CD27: variants seen among roughly 807,000 people sequenced by gnomAD.
The protein encoded by CD27 is CD27 antigen.
In CD27, 16 loss-of-function variants were observed where a neutral mutation model predicts 25.9. The observed-to-expected ratio is 0.62, with a 90% CI of 0.42 to 0.94. The LOEUF is 0.94. CD27 is among the 40% of genes least tolerant of loss of function. The pLI is 0.00. For missense variants in CD27, 300 were observed against 333.2 expected, an observed-to-expected ratio of 0.90 and a Z score of 0.78; for synonymous variants, 142 against 124.3, an observed-to-expected ratio of 1.14 and a Z score of -0.95.
chr12:6,447,257 T>C (rs1949429871), intron 2 of CD27: 1 of 152,224 alleles, frequency 6.6e-6, no homozygotes, highest in Non-Finnish European at 1.5e-5. Context: ...CTTTTCCTAG[T>C]CAAAACCCCC....
chr12:6,449,622 G>A (rs1592121024), intron 2 of CD27, among the ~76,000 whole-genome samples: 1 of 152,290 alleles, frequency 6.6e-6, no homozygotes, highest in Admixed American at 6.5e-5. Flanking sequence ...GCTGAGGCTG[G>A]TGCATCACCT....
chr12:6,445,689 G>C lies in CD27; in HGVS notation c.268+134G>C. 8.4e-7 allele frequency: 1 copy of C among 1,195,138 alleles called. No homozygotes were observed. The allele number at this position is 1,195,138 out of a possible 1,614,324, so 74.0% of individuals were successfully genotyped here. On this transcript the variant is annotated intron_variant, in intron 2 of 5. Transcript: ENST00000266557. This position sits in a 1 kb window ranked among gnomAD's most constrained non-coding sequence, Gnocchi z 4.5. Reference sequence around the variant, plus strand: ...CCTTCTTCAAGGCTCACAGCAAGTGGAGCCAATGCTGGGAAATGCGGCACC... The same window carrying C: ...CCTTCTTCAAGGCTCACAGCAAGTGCAGCCAATGCTGGGAAATGCGGCACC...
At chr12:6,449,457 G>A (rs1949479593) in intron 2 of CD27, among the ~76,000 whole-genome samples, 1 of 151,652 alleles carries the variant, frequency 6.6e-6, no homozygotes. Flanking sequence ...TTGTTGATCT[G>A]CTGCTGGTTA....
Position 6,451,026 on chromosome 12 carries a change from A to G in CD27, c.658+12A>G, listed in dbSNP as rs747151664. On this transcript the variant is annotated intron_variant, in intron 5 of 5. Coordinates refer to ENST00000266557, the MANE Select transcript of CD27 (RefSeq NM_001242.5). ...GAAATATAGATCAAGTAAGAGACAG[A>G]ACACAGGCCTCCGGTCCTGCCCCTG... 17 of 1,613,956 alleles carry G rather than the reference A, an allele frequency of 1.1e-5. No homozygotes were observed. The South Asian group carries it at 1.9e-4, about 18-fold the overall frequency.
chr12:6,450,907 T>C lies in CD27; in HGVS notation c.551T>C (p.Leu184Pro). ...LSTHWPPQRS[L>P]CSSDFIRILV... ...CCTCCTATTACAGCCCAAAGATCCCTGTGCAGCTCCGATTTTATTCGCATC... is the reference window on the plus strand; with the variant it reads ...CCTCCTATTACAGCCCAAAGATCCCCGTGCAGCTCCGATTTTATTCGCATC... The change falls in exon 5 of 6, where the codon CTG becomes CCG. Residue 184 changes from leucine (L) to proline (P), a missense_variant. Physicochemically the swap from Leu to Pro is moderately conservative, Grantham distance 98 (BLOSUM62 -3). Coordinates refer to ENST00000266557, the MANE Select transcript of CD27 (RefSeq NM_001242.5). This position sits in a 1 kb window ranked among gnomAD's most constrained non-coding sequence, Gnocchi z 4.1. 1 of 1,614,182 alleles carries C rather than the reference T, an allele frequency of 6.2e-7. No individual in the cohort carries two copies. The highest frequency in any genetic ancestry group is 8.5e-7 in the Non-Finnish European group (1 of 1,180,006).
intron 5 of CD27, 68 bp downstream of exon 5, chr12:6,451,082 C>A: frequency 6.2e-7 from 1 of 1,605,222 alleles, no homozygotes; most frequent in East Asian, 2.2e-5. Flanking sequence ...ACCCCACTGC[C>A]CACGCCTGGA....
intron 2 of CD27, chr12:6,448,243 C>A (rs1430813823): frequency 6.6e-6 from 1 of 152,302 alleles, no homozygotes; most frequent in Admixed American, 6.5e-5. Flanking sequence ...CACCCCTCTT[C>A]CACCTGTCAG....
chr12:6,448,038 A>C (rs1292946181), intron 2 of CD27: 1 of 152,228 alleles, frequency 6.6e-6, no homozygotes, highest in Non-Finnish European at 1.5e-5. Flanking sequence ...ATGGCTCACA[A>C]TTCCTGGGAA....
chr12:6,445,323 C>A lies in CD27; in HGVS notation c.136+92C>A. The A allele has an allele frequency of 6.2e-7, 1 of 1,608,256 alleles. No individual in the cohort carries two copies. Among genetic ancestry groups the A allele is most frequent in the Non-Finnish European group, 8.5e-7 (1 of 1,176,240 alleles). On this transcript the variant is annotated intron_variant, in intron 1 of 5. Coordinates refer to ENST00000266557, the MANE Select transcript of CD27 (RefSeq NM_001242.5). The surrounding 1 kb of genome is among the most constrained non-coding windows in gnomAD (Gnocchi z 4.5). The stretch of plus-strand genomic sequence containing the variant: ...AATAGGCGCAGGGTGAGACTGAGCT[C>A]AAGCAAGGAGGGAAATCCTGCAGCT...
At chr12:6,448,952 C>T (rs980010398) in intron 2 of CD27, among the ~76,000 whole-genome samples, 4 of 151,196 alleles carry the variant, frequency 2.6e-5, no homozygotes, top group African/African-American at 7.3e-5. Context: ...CCAACCCCAG[C>T]CCCAGCCCCA....
intron 2 of CD27, among the ~76,000 whole-genome samples, chr12:6,446,320 G>C (rs945165935): frequency 2.6e-5 from 4 of 152,138 alleles, no homozygotes; most frequent in African/African-American, 9.7e-5. Context: ...GTTTAGTTTA[G>C]AGACAAGGTC....
In CD27 at chr12:6,445,518, C is replaced by A; in HGVS notation, c.231C>A (p.Thr77=). 1.2e-6 allele frequency: 2 copies of A among 1,613,924 alleles called. No homozygotes were observed. The highest frequency in any genetic ancestry group is 1.7e-6 in the Non-Finnish European group (2 of 1,180,024). The change falls in exon 2 of 6, where the codon ACC becomes ACA. Residue 77 remains threonine, a synonymous_variant. Transcript: ENST00000266557. The surrounding 1 kb of genome is among the most constrained non-coding windows in gnomAD (Gnocchi z 4.5). ...TCTCCTTCTCTCCTGACCACCACAC[C>A]CGGCCCCACTGTGAGAGCTGTCGGC... ...PGVSFSPDHH[T]RPHCESCRHC...
In CD27 at chr12:6,445,061, A is replaced by C. The variant is rs548323486; in HGVS notation, c.-35A>C. The C allele has an allele frequency of 1.3e-6, 2 of 1,580,606 alleles. No homozygotes were observed. Among genetic ancestry groups the C allele is most frequent in the East Asian group, 2.3e-5 (1 of 43,908 alleles). ...CTAACTCCAGAGGCCAGCATCAGCA[A>C]CTGGGCACAGAAAGGAGCCGCCTGG... On this transcript the variant is annotated 5_prime_UTR_variant, in exon 1 of 6. Transcript: ENST00000266557. This position sits in a 1 kb window ranked among gnomAD's most constrained non-coding sequence, Gnocchi z 4.5.
Position 6,445,104 on chromosome 12 carries a change from G to A in CD27, c.9G>A (p.Arg3=). The A allele has an allele frequency of 1.9e-6, 3 of 1,604,782 alleles. No homozygotes were observed. The highest frequency in any genetic ancestry group is 2.5e-6 in the Non-Finnish European group (3 of 1,176,638). ...CCGCCTGGGCAGGGACCATGGCACGGCCACATCCCTGGTGGCTGTGCGTTC... is the reference window on the plus strand; with the variant it reads ...CCGCCTGGGCAGGGACCATGGCACGACCACATCCCTGGTGGCTGTGCGTTC... MA[R]PHPWWLCVLG... is the part of the protein sequence containing the mutation. The change falls in exon 1 of 6, where the codon CGG becomes CGA. Residue 3 remains arginine (R), a synonymous_variant. Coordinates refer to ENST00000266557, the MANE Select transcript of CD27 (RefSeq NM_001242.5). This position sits in a 1 kb window ranked among gnomAD's most constrained non-coding sequence, Gnocchi z 4.5.
In CD27 at chr12:6,450,658, T is replaced by C. The variant is rs2136969510; in HGVS notation, c.538+28T>C. On this transcript the variant is annotated intron_variant, in intron 4 of 5. Coordinates refer to ENST00000266557, the MANE Select transcript of CD27 (RefSeq NM_001242.5). This position sits in a 1 kb window ranked among gnomAD's most constrained non-coding sequence, Gnocchi z 4.1. ...GAGTTTTCTCCTTAATCCCCACCGC[T>C]AGAGAGAATGCATACACGAGGGGCC... 6.3e-7 allele frequency: 1 copy of C among 1,589,050 alleles called. No individual in the cohort carries two copies. Among genetic ancestry groups the C allele is most frequent in the East Asian group, 2.2e-5 (1 of 44,760 alleles).
rs779725109 is a variant in CD27, at chr12:6,450,566, G to A, written c.474G>A (p.Gly158=). The A allele has an allele frequency of 1.9e-6, 3 of 1,613,526 alleles. No homozygotes were observed. The highest frequency in any genetic ancestry group is 1.1e-5 in the South Asian group (1 of 91,084). ...VSEMLEARTA[G]HMQTLADFRQ... is the part of the protein sequence containing the mutation. ...AGATGCTGGAGGCCAGGACAGCTGG[G>A]CACATGCAGACTCTGGCTGACTTCA... The change falls in exon 4 of 6, where the codon GGG becomes GGA. Residue 158 remains glycine (G), a synonymous_variant. Coordinates refer to ENST00000266557, the MANE Select transcript of CD27 (RefSeq NM_001242.5). This position sits in a 1 kb window ranked among gnomAD's most constrained non-coding sequence, Gnocchi z 4.1.
intron 2 of CD27, among the ~76,000 whole-genome samples, chr12:6,446,659 G>A (rs1404396975): frequency 6.6e-6 from 1 of 152,044 alleles, no homozygotes; most frequent in African/African-American, 2.4e-5. Flanking sequence ...TGCACCTGCA[G>A]TCCCAGCTAC....
At chr12:6,444,902 G>A, upstream of CD27, 1 of 572,130 alleles carries the variant, frequency 1.7e-6, no homozygotes, top group South Asian at 2.3e-5. Context: ...GGAAGGGGGT[G>A]GAGGTTGCTG....
At chr12:6,446,075 A>G (rs1033463510) in intron 2 of CD27, among the ~76,000 whole-genome samples, 8 of 152,176 alleles carry the variant, frequency 5.3e-5, no homozygotes, top group African/African-American at 1.9e-4. Context: ...TTTTTAAACT[A>G]AGAAGTATAA....
Sources: allele counts gnomAD v4.1 joint callset (sites outside exome capture counted in the v4.1 genomes callset), GRCh38; gene constraint gnomAD v4.1.1; non-coding constraint Gnocchi (gnomAD v3.1); transcripts MANE v1.5; gene names NCBI Gene and HGNC (gene_info 2026-07-23, HGNC 2026-07-21).